SBF2: variants seen among roughly 807,000 people sequenced by gnomAD.
SBF2 encodes myotubularin-related protein 13.
Under a neutral mutation model 225.2 loss-of-function variants are expected in SBF2, and 112 were observed. The ratio of observed to expected loss-of-function variants is 0.50; its 90% CI spans 0.43 to 0.58. The LOEUF is 0.58. Ranked by LOEUF, SBF2 falls within the 20% of genes least tolerant of loss-of-function variation. SBF2 has a pLI of 0.00. For synonymous variants in SBF2, 763 were observed against 773.3 expected (o/e 0.99, Z 0.22); for missense variants, 1,996 against 2,206.2 (o/e 0.90, Z 1.91).
At chr11:9,992,099 G>A (rs899470545) in intron 12 of SBF2, among the ~76,000 whole-genome samples, 1 of 151,802 alleles carries the variant, frequency 6.6e-6, no homozygotes, top group Non-Finnish European at 1.5e-5. Flanking sequence ...AGTGGTTTTC[G>A]GTTACATGGA....
chr11:10,286,401 T>C (rs945175135), intron 1 of SBF2, among the ~76,000 whole-genome samples: 1 of 148,538 alleles, frequency 6.7e-6, no homozygotes, highest in African/African-American at 2.5e-5. Flanking sequence ...TGTAGTGCAG[T>C]TGTGCGATCT....
chr11:9,844,683 T>C (rs1203435481), intron 24 of SBF2, among the ~76,000 whole-genome samples: 1 of 152,190 alleles, frequency 6.6e-6, no homozygotes, highest in Non-Finnish European at 1.5e-5. Flanking sequence ...GACTCTGGGT[T>C]AGATAAAAGT....
intron 6 of SBF2, among the ~76,000 whole-genome samples, chr11:10,010,151 C>T (rs1416774274): frequency 6.6e-6 from 1 of 152,056 alleles, no homozygotes; most frequent in Non-Finnish European, 1.5e-5. Context: ...AGCCCTTTGT[C>T]AGATGGATAG....
intron 27 of SBF2, among the ~76,000 whole-genome samples, chr11:9,831,544 C>T (rs1355216013): frequency 6.6e-6 from 1 of 152,182 alleles, no homozygotes; most frequent in African/African-American, 2.4e-5. Flanking sequence ...GCAGCCATCC[C>T]TAAATCGGAT....
chr11:9,995,052 A>T (rs1947632099), intron 9 of SBF2, among the ~76,000 whole-genome samples: 1 of 150,418 alleles, frequency 6.6e-6, no homozygotes, highest in South Asian at 2.1e-4. Context: ...AAAAAAAAAA[A>T]ATAAAAATTA....
chr11:10,211,838 CCTGTTTCTAGCAAAGTT>C (rs1026490613), intron 1 of SBF2, among the ~76,000 whole-genome samples: 93 of 152,154 alleles, frequency 6.1e-4, no homozygotes, highest in Admixed American at 1.1e-3. Flanking sequence ...CTACCAAGTG[CCTGTTTCTAGCAAAGTT>C]CTGTTTCTAG....
At chr11:10,103,338 T>G (rs984939324) in intron 2 of SBF2, among the ~76,000 whole-genome samples, 44 of 152,218 alleles carry the variant, frequency 2.9e-4, no homozygotes, top group African/African-American at 1.1e-3. Flanking sequence ...TTGGTTTATT[T>G]GGTATAAAAA....
At chr11:10,091,481 T>A (rs757915881) in intron 2 of SBF2, among the ~76,000 whole-genome samples, 40 of 152,158 alleles carry the variant, frequency 2.6e-4, no homozygotes, top group Non-Finnish European at 5.0e-4. Context: ...AAGTACATTA[T>A]TAAGTATAAT....
intron 2 of SBF2, among the ~76,000 whole-genome samples, chr11:10,101,657 C>T (rs1952307027): frequency 1.1e-5 from 1 of 94,174 alleles, no homozygotes; most frequent in Admixed American, 1.2e-4. Context: ...CTCTCTCTCG[C>T]TCTGTGTGTG....
Position 9,896,087 on chromosome 11 carries a change from G to T in SBF2, c.1861-76C>A, listed in dbSNP as rs1861231707. ...CAAATACATGCGAACTAACATCTGGGATACACTGTTTACTGTCCTATGGGG... is the reference window on the plus strand; with the variant it reads ...CAAATACATGCGAACTAACATCTGGTATACACTGTTTACTGTCCTATGGGG... On this transcript the variant is annotated intron_variant, in intron 16 of 39. Coordinates refer to ENST00000256190, the MANE Select transcript of SBF2 (RefSeq NM_030962.4). 9.7e-6 allele frequency: 11 copies of T among 1,138,394 alleles called. No individual in the cohort carries two copies. In the South Asian group the frequency reaches 1.1e-4, roughly 11 times the overall value. The allele number at this position is 1,138,394 out of a possible 1,614,324, so 70.5% of individuals were successfully genotyped here.
chr11:10,244,616 G>A (rs951062066), intron 1 of SBF2, among the ~76,000 whole-genome samples: 2 of 152,022 alleles, frequency 1.3e-5, no homozygotes, highest in African/African-American at 2.4e-5. Context: ...GGTACCATAC[G>A]AATTTTAGGC....
chr11:10,232,211 C>T (rs1020680859), intron 1 of SBF2, among the ~76,000 whole-genome samples: 2 of 152,238 alleles, frequency 1.3e-5, no homozygotes, highest in Non-Finnish European at 2.9e-5. Context: ...TCTGTCACCC[C>T]TTTCTTTGAC....
intron 2 of SBF2, among the ~76,000 whole-genome samples, chr11:10,074,327 A>T (rs6483965): frequency 0.46 from 69,680 of 152,038 alleles, 16,393 homozygotes; most frequent in Admixed American, 0.56. Flanking sequence ...GATAAATAAT[A>T]AATACCAAAA....
intron 2 of SBF2, among the ~76,000 whole-genome samples, chr11:10,106,062 A>G (rs547516130): frequency 4.6e-5 from 7 of 152,296 alleles, no homozygotes; most frequent in Admixed American, 2.6e-4. Context: ...CTCAGGAGGT[A>G]TATGTGCAGG....
chr11:9,799,436 G>A (rs1853350581), intron 32 of SBF2, among the ~76,000 whole-genome samples: 1 of 152,190 alleles, frequency 6.6e-6, no homozygotes, highest in South Asian at 2.1e-4. Flanking sequence ...GCTAACTGGG[G>A]TTGAAAAACA....
intron 16 of SBF2, among the ~76,000 whole-genome samples, chr11:9,938,292 GA>G (rs972201001): frequency 8.9e-5 from 11 of 123,282 alleles, no homozygotes; most frequent in East Asian, 2.3e-4. Flanking sequence ...CTCCGTCTCA[GA>G]AAAAAAAAAG....
At position 9,812,549 on chromosome 11, in the gene SBF2, A is replaced by T. The variant is rs1564876099; in HGVS notation, c.4138T>A (p.Ser1380Thr). 9.9e-6 allele frequency: 16 copies of T among 1,614,088 alleles called. No individual in the cohort carries two copies. The highest frequency in any genetic ancestry group is 1.3e-5 in the African/African-American group (1 of 74,932). Residue 1380 changes from serine (S) to threonine (T), a missense_variant, in exon 30 of 40, where the codon TCT becomes ACT. Transcript: ENST00000256190. ...GACATTACCTGTGGGAACCACTCAGAATCTCCCAGCGCTTTCAGGAAGGTC... is the reference window on the plus strand; with the variant it reads ...GACATTACCTGTGGGAACCACTCAGTATCTCCCAGCGCTTTCAGGAAGGTC... ...EVTFLKALGD[S>T]EWFPQLHRIM...
chr11:9,822,154 T>C (rs1223279943), intron 28 of SBF2, among the ~76,000 whole-genome samples: 1 of 152,234 alleles, frequency 6.6e-6, no homozygotes, highest in African/African-American at 2.4e-5. Context: ...AAAGTCTATA[T>C]TATTTTTTAA....
At chr11:10,092,206 G>A (rs1488572037) in intron 2 of SBF2, among the ~76,000 whole-genome samples, 1 of 151,982 alleles carries the variant, frequency 6.6e-6, no homozygotes, top group Admixed American at 6.6e-5. Context: ...AAGTCCCAAG[G>A]GAACAGTAAG....
Sources: allele counts gnomAD v4.1 joint callset (sites outside exome capture counted in the v4.1 genomes callset), GRCh38; gene constraint gnomAD v4.1.1; transcripts MANE v1.5; gene names NCBI Gene and HGNC (gene_info 2026-07-23, HGNC 2026-07-21).